AKAP13: variants seen among roughly 807,000 people sequenced by gnomAD.
AKAP13 encodes the protein A-kinase anchor protein 13.
AKAP13 carries 80 observed loss-of-function variants against 264.5 expected under a neutral mutation model. The observed-to-expected ratio is 0.30, with a 90% CI of 0.25 to 0.36. The LOEUF is 0.36. Among genes scored for constraint, AKAP13 ranks in the 10% least tolerant of loss-of-function variants. The pLI, the probability that AKAP13 is intolerant of heterozygous loss-of-function variation, is 1.00. For synonymous variants in AKAP13, 1,380 were observed against 1,250.2 expected, an observed-to-expected ratio of 1.10 and a Z score of -2.19; for missense variants, 3,712 against 3,435.2, an observed-to-expected ratio of 1.08 and a Z score of -2.01.
rs183208678 is a variant in AKAP13, at chr15:85,521,348, T to G, written c.34-80T>G. ...TTTAGATGATAAATTTGATTTTCCC[T>G]TAAATATGATGTTTGATAAAGATAG... On this transcript the variant is annotated intron_variant, in intron 2 of 36. Transcript: ENST00000394518. 3.2e-4 allele frequency: 482 copies of G among 1,522,016 alleles called. 3 individuals are homozygous for G. The highest frequency in any genetic ancestry group is 3.6e-5 in the Non-Finnish European group (40 of 1,114,024). The allele number at this position is 1,522,016 out of a possible 1,614,324, so 94.3% of individuals were successfully genotyped here.
intron 1 of AKAP13, among the ~76,000 whole-genome samples, chr15:85,456,461 T>G (rs2074281370): frequency 6.6e-6 from 1 of 151,970 alleles, no homozygotes. Context: ...TTTAAAAAAT[T>G]TTATTTTTTA....
At chr15:85,472,992 C>T (rs543969042) in intron 1 of AKAP13, among the ~76,000 whole-genome samples, 4 of 152,274 alleles carry the variant, frequency 2.6e-5, no homozygotes, top group Admixed American at 6.5e-5. Context: ...AAATAGTACC[C>T]TTTCCTTTAA....
chr15:85,678,447 A>G (rs2084375194), intron 14 of AKAP13, among the ~76,000 whole-genome samples: 2 of 152,218 alleles, frequency 1.3e-5, no homozygotes, highest in South Asian at 4.1e-4. Flanking sequence ...TTTTTCACTA[A>G]TAAAAGATGT....
chr15:85,563,804 T>A (rs939555900), intron 5 of AKAP13, among the ~76,000 whole-genome samples: 1 of 152,234 alleles, frequency 6.6e-6, no homozygotes, highest in African/African-American at 2.4e-5. Context: ...TTTACTATCC[T>A]CATTAATTTC....
intron 29 of AKAP13, among the ~76,000 whole-genome samples, chr15:85,729,068 C>T (rs977203178): frequency 2.0e-5 from 3 of 151,560 alleles, no homozygotes; most frequent in Non-Finnish European, 4.4e-5. Context: ...TGGGAGGCCA[C>T]GGCGGGCGGA....
chr15:85,532,716 A>G (rs960938172), intron 3 of AKAP13, among the ~76,000 whole-genome samples: 4 of 152,236 alleles, frequency 2.6e-5, no homozygotes, highest in Admixed American at 6.5e-5. Flanking sequence ...AGAAAGCCCA[A>G]TTGTCCAAGA....
At chr15:85,736,720 C>A (rs1235503388) in intron 33 of AKAP13, among the ~76,000 whole-genome samples, 1 of 152,026 alleles carries the variant, frequency 6.6e-6, no homozygotes, top group East Asian at 1.9e-4. Flanking sequence ...AATGAGCTTT[C>A]TCTAAATAGG....
intron 8 of AKAP13, among the ~76,000 whole-genome samples, chr15:85,636,360 C>G (rs1466662482): frequency 6.6e-6 from 1 of 152,156 alleles, no homozygotes; most frequent in Non-Finnish European, 1.5e-5. Flanking sequence ...TTACTTCTTC[C>G]TTTCCAATGG....
intron 1 of AKAP13, among the ~76,000 whole-genome samples, chr15:85,399,876 A>G (rs2071340643): frequency 6.6e-6 from 1 of 152,210 alleles, no homozygotes; most frequent in Non-Finnish European, 1.5e-5. Flanking sequence ...TTCTACACAA[A>G]GAGCCCTGTG....
rs567554917 is a variant in AKAP13 at position 85,633,461 on chromosome 15, A to G, written c.4162-5913A>G. Among the ~76,000 whole-genome samples, 29 of 151,930 alleles carry G rather than the reference A, an allele frequency of 1.9e-4. No homozygotes were observed. In the South Asian group the frequency reaches 6.0e-3, roughly 32 times the overall value. On this transcript the variant is annotated intron_variant, in intron 8 of 36. Coordinates refer to ENST00000394518, the MANE Select transcript of AKAP13 (RefSeq NM_007200.5). ...TTAGCAGAGAATCTTATTTCACAGTAAGTAAAATTTGGCTCATTGCAAATG... is the reference window on the plus strand; with the variant it reads ...TTAGCAGAGAATCTTATTTCACAGTGAGTAAAATTTGGCTCATTGCAAATG...
chr15:85,684,992 C>T, intron 16 of AKAP13, 119 bp downstream of exon 16: 2 of 1,249,442 alleles, frequency 1.6e-6, no homozygotes, highest in Non-Finnish European at 2.2e-6. Flanking sequence ...CAGGATTACT[C>T]TCCGAAATCG....
In AKAP13 at chr15:85,485,186, A is replaced by G. The variant is rs138488511; in HGVS notation, c.-11-524A>G. On this transcript the variant is annotated intron_variant, in intron 1 of 36. Coordinates refer to ENST00000394518, the MANE Select transcript of AKAP13 (RefSeq NM_007200.5). The stretch of plus-strand genomic sequence containing the variant: ...AACATAACAATCAGGGAATCCAGCT[A>G]TTAACTTTGAGGAGGGTCATGCCTT... 6.6e-5 allele frequency among the ~76,000 whole-genome samples: 10 copies of G among 152,314 alleles called. No homozygotes were observed. The East Asian group carries it at 1.5e-3, about 24-fold the overall frequency.
intron 17 of AKAP13, among the ~76,000 whole-genome samples, chr15:85,696,268 T>C (rs986324912): frequency 1.3e-5 from 2 of 152,202 alleles, no homozygotes; most frequent in African/African-American, 2.4e-5. Context: ...GCCCACTTTA[T>C]TGGATACCTG....
chr15:85,678,320 T>C (rs1407472136), intron 14 of AKAP13, among the ~76,000 whole-genome samples: 1 of 152,248 alleles, frequency 6.6e-6, no homozygotes, highest in Non-Finnish European at 1.5e-5. Context: ...TTCAGCAATA[T>C]TAAGTGTTTC....
intron 1 of AKAP13, among the ~76,000 whole-genome samples, chr15:85,398,328 C>T (rs560214504): frequency 2.0e-5 from 3 of 152,156 alleles, no homozygotes; most frequent in South Asian, 2.1e-4. Flanking sequence ...TGTACAGTTC[C>T]TCTAGAAATT....
At chr15:85,720,067 CA>C (rs1418207060) in intron 23 of AKAP13, among the ~76,000 whole-genome samples, 1 of 151,760 alleles carries the variant, frequency 6.6e-6, no homozygotes, top group East Asian at 1.9e-4. Flanking sequence ...GCTGTCTCTA[CA>C]AAAAAAAGTG....
chr15:85,645,960 G>A lies in AKAP13; in HGVS notation c.4374+6G>A, dbSNP rs374474262. The A allele has an allele frequency of 6.5e-5, 105 of 1,603,196 alleles. No individual in the cohort carries two copies. Among genetic ancestry groups the A allele is most frequent in the East Asian group, 4.9e-4 (22 of 44,864 alleles). The stretch of plus-strand genomic sequence containing the variant: ...ACAGCATCATCTTCCCAAAGGTACT[G>A]TGTGGACCTTCCTTTCATTTTTGTC... On this transcript the variant is annotated splice_donor_region_variant and intron_variant, in intron 10 of 36. Transcript: ENST00000394518.
intron 1 of AKAP13, among the ~76,000 whole-genome samples, chr15:85,474,459 A>G (rs1341152361): frequency 2.0e-5 from 3 of 152,228 alleles, no homozygotes; most frequent in African/African-American, 7.2e-5. Context: ...GTATTTTCAG[A>G]AATATCCTTG....
intron 1 of AKAP13, among the ~76,000 whole-genome samples, chr15:85,399,502 CAAAA>C (rs71138392): frequency 9.1e-5 from 7 of 77,082 alleles, no homozygotes; most frequent in African/African-American, 3.0e-4. Flanking sequence ...GACTCCGTCT[CAAAA>C]AAAAAAAAAA....
Sources: allele counts gnomAD v4.1 joint callset (sites outside exome capture counted in the v4.1 genomes callset), GRCh38; gene constraint gnomAD v4.1.1; transcripts MANE v1.5; gene names NCBI Gene and HGNC (gene_info 2026-07-23, HGNC 2026-07-21).